The following CSMD3 variants were observed in gnomAD, a reference collection of about 807,000 sequenced individuals.
The protein encoded by CSMD3 is CUB and sushi domain-containing protein 3.
A neutral mutation model predicts 435.2 loss-of-function variants in CSMD3; 177 were observed. The observed-to-expected ratio is 0.41, with a 90% confidence interval of 0.36 to 0.46. The LOEUF is 0.46. Among genes scored for constraint, CSMD3 ranks in the 20% least tolerant of loss-of-function variants. CSMD3 has a pLI of 0.34. For synonymous variants in CSMD3, 1,656 were observed against 1,520.5 expected (o/e 1.09, Z -2.07); for missense variants, 4,265 against 4,504.6 (o/e 0.95, Z 1.52).
At chr8:112,742,346 AG>A (rs969977525) in intron 13 of CSMD3, among the ~76,000 whole-genome samples, 59 of 151,926 alleles carry the variant, frequency 3.9e-4, no homozygotes, top group Middle Eastern at 3.4e-3. Context: ...CAGCAGAGAA[AG>A]AAAAAATCTT....
At chr8:113,376,586 T>TG in intron 1 of CSMD3, 4 of 749,494 alleles carry the variant, frequency 5.3e-6, no homozygotes, top group Non-Finnish European at 8.9e-6. Context: ...ATAAAAAAAT[T>TG]GATATCCAAT....
At chr8:113,407,997 A>T (rs1047337256) in intron 1 of CSMD3, among the ~76,000 whole-genome samples, 2 of 152,170 alleles carry the variant, frequency 1.3e-5, no homozygotes, top group African/African-American at 2.4e-5. Flanking sequence ...GTGTTTTTAA[A>T]CAATCAACCA....
intron 23 of CSMD3, among the ~76,000 whole-genome samples, chr8:112,578,201 A>G (rs1013049493): frequency 2.0e-5 from 3 of 152,096 alleles, no homozygotes; most frequent in African/African-American, 7.2e-5. Flanking sequence ...AGAGTAGAGA[A>G]CTTTTGTTTG....
intron 56 of CSMD3, among the ~76,000 whole-genome samples, chr8:112,290,425 T>C (rs1819650295): frequency 1.3e-5 from 2 of 152,152 alleles, no homozygotes; most frequent in South Asian, 2.1e-4. Context: ...GATTTTTAAC[T>C]TTAATGTGGT....
chr8:112,699,341 T>G (rs1563868384), intron 13 of CSMD3, among the ~76,000 whole-genome samples: 1 of 152,022 alleles, frequency 6.6e-6, no homozygotes. Flanking sequence ...CACACCATCT[T>G]TAAGATCTGT....
In CSMD3 at chr8:112,310,971, A is replaced by G. The variant is rs2130812164; in HGVS notation, c.7885+7T>C. The G allele has an allele frequency of 6.2e-7, 1 of 1,612,848 alleles. No individual in the cohort carries two copies. Among genetic ancestry groups the G allele is most frequent in the African/African-American group, 1.3e-5 (1 of 75,020 alleles). On this transcript the variant is annotated splice_region_variant and intron_variant, in intron 50 of 70. Coordinates refer to ENST00000297405, the MANE Select transcript of CSMD3 (RefSeq NM_198123.2). The stretch of plus-strand genomic sequence containing the variant: ...GTTTTTGTTCATTTTGGCATAATAT[A>G]CTTCACCTTGACAGGCAGGGACTGG...
chr8:113,040,625 A>G (rs988923210), intron 5 of CSMD3, among the ~76,000 whole-genome samples: 4 of 152,166 alleles, frequency 2.6e-5, no homozygotes, highest in African/African-American at 9.7e-5. Context: ...AAGCAATTGG[A>G]GAGATGGAGA....
At chr8:112,762,354 A>T (rs927045803) in intron 13 of CSMD3, among the ~76,000 whole-genome samples, 8 of 152,102 alleles carry the variant, frequency 5.3e-5, no homozygotes, top group African/African-American at 1.9e-4. Flanking sequence ...CAATTCAAGC[A>T]TGTATTATCA....
chr8:112,343,529 T>C (rs899382913), intron 41 of CSMD3, among the ~76,000 whole-genome samples: 1 of 152,208 alleles, frequency 6.6e-6, no homozygotes, highest in Admixed American at 6.5e-5. Context: ...TAATTTTTTT[T>C]AGCTTTCTCA....
rs1208963357 is a variant in CSMD3 at position 112,682,565 on chromosome 8, A to G, written c.2554T>C (p.Leu852=). ...NARRFGDNFQ[L]GSSISVICEE... is the part of the protein sequence containing the mutation. ...CAAATAACTGAAATTGAACTTCCTA[A>G]TTGAAAGTTGTCCCCAAACCGCCGT... The change falls in exon 16 of 71, where the codon TTA becomes CTA. Residue 852 remains leucine, a synonymous_variant. Transcript: ENST00000297405. 6.2e-7 allele frequency: 1 copy of G among 1,613,270 alleles called. No individual in the cohort carries two copies. Among genetic ancestry groups the G allele is most frequent in the Non-Finnish European group, 8.5e-7 (1 of 1,179,390 alleles).
intron 22 of CSMD3, among the ~76,000 whole-genome samples, chr8:112,588,793 T>A (rs1429546553): frequency 6.6e-6 from 1 of 152,154 alleles, no homozygotes; most frequent in African/African-American, 2.4e-5. Flanking sequence ...TCATTCATAC[T>A]ATGCCTCTGT....
At position 112,337,605 on chromosome 8, in the gene CSMD3, G is replaced by A. The variant is rs1223273629; in HGVS notation, c.6779C>T (p.Ser2260Leu). ...GACTCCGTGAAGGCATGTGAGAGCT[G>A]AATTTCCAATTAATGTGTATCCTGG... is the stretch of plus-strand genomic sequence containing the variant. ...CFPGYTLIGN[S>L]ALTCLHGVSR... Residue 2260 changes from serine to leucine, a missense_variant, in exon 43 of 71, where the codon TCA becomes TTA. This residue lies in a region of CSMD3 where 3,255 missense variants were observed against 3,380.2 expected (regional missense o/e 0.96). Coordinates refer to ENST00000297405, the MANE Select transcript of CSMD3 (RefSeq NM_198123.2). The A allele has an allele frequency of 6.2e-7, 1 of 1,613,646 alleles. No homozygotes were observed. The highest frequency in any genetic ancestry group is 1.3e-5 in the African/African-American group (1 of 74,896).
chr8:113,284,865 G>A (rs950586486), intron 2 of CSMD3, among the ~76,000 whole-genome samples: 2 of 152,146 alleles, frequency 1.3e-5, no homozygotes, highest in Admixed American at 6.5e-5. Context: ...GACATTTTAT[G>A]TTTCTTTGAA....
chr8:112,863,035 C>G (rs1462796802), intron 10 of CSMD3, among the ~76,000 whole-genome samples: 3 of 151,912 alleles, frequency 2.0e-5, no homozygotes, highest in Admixed American at 2.0e-4. Flanking sequence ...TGACTTTTCT[C>G]TTTGTACACT....
chr8:113,185,007 G>GC (rs538101866), intron 3 of CSMD3, among the ~76,000 whole-genome samples: 241 of 152,096 alleles, frequency 1.6e-3, no homozygotes, highest in African/African-American at 5.7e-3. Flanking sequence ...TAGATTGCAG[G>GC]CAGCAACACT....
intron 6 of CSMD3, among the ~76,000 whole-genome samples, chr8:112,976,433 A>G (rs187365484): frequency 2.5e-4 from 38 of 152,214 alleles, no homozygotes; most frequent in Admixed American, 3.9e-4. Context: ...CCCTGAATCA[A>G]TCTTTTAAAA....
At chr8:113,353,667 A>G (rs2094203803) in intron 1 of CSMD3, among the ~76,000 whole-genome samples, 1 of 152,160 alleles carries the variant, frequency 6.6e-6, no homozygotes, top group Admixed American at 6.5e-5. Context: ...AGTTCTGCAC[A>G]GTGACCTTTT....
intron 52 of CSMD3, among the ~76,000 whole-genome samples, chr8:112,303,800 T>C (rs530983511): frequency 6.6e-6 from 1 of 152,274 alleles, no homozygotes; most frequent in Non-Finnish European, 1.5e-5. Context: ...ACACATAAGA[T>C]AGTTGTCTGC....
intron 67 of CSMD3, among the ~76,000 whole-genome samples, chr8:112,236,648 G>A (rs1315354524): frequency 1.3e-5 from 2 of 152,074 alleles, no homozygotes; most frequent in Non-Finnish European, 2.9e-5. Context: ...CTGAGTGTTA[G>A]GAAAACCAGT....
Sources: allele counts gnomAD v4.1 joint callset (sites outside exome capture counted in the v4.1 genomes callset), GRCh38; gene constraint gnomAD v4.1.1; regional missense constraint gnomAD v4.1.1; transcripts MANE v1.5; gene names NCBI Gene and HGNC (gene_info 2026-07-23, HGNC 2026-07-21).